The following RAB3GAP2 variants were observed in gnomAD, a reference collection of about 807,000 sequenced individuals.
The protein encoded by RAB3GAP2 is RAB3 GTPase activating non-catalytic protein subunit 2.
RAB3GAP2 carries 87 observed loss-of-function variants against 185.3 expected under a neutral mutation model. That is an observed-to-expected ratio of 0.47 (90% CI 0.39 to 0.56). The LOEUF is 0.56. Ranked by LOEUF, RAB3GAP2 falls within the 20% of genes least tolerant of loss-of-function variation. RAB3GAP2 has a pLI of 0.00. For missense variants in RAB3GAP2, 1,492 were observed against 1,638.2 expected, an observed-to-expected ratio of 0.91 and a Z score of 1.54; for synonymous variants, 554 against 576.1, an observed-to-expected ratio of 0.96 and a Z score of 0.55.
chr1:220,183,250 ATTTT>A (rs200955039), intron 19 of RAB3GAP2, among the ~76,000 whole-genome samples: 3 of 140,370 alleles, frequency 2.1e-5, no homozygotes, highest in Non-Finnish European at 4.7e-5. Flanking sequence ...GAATGTTAGC[ATTTT>A]TTTTTTTTTT....
intron 7 of RAB3GAP2, among the ~76,000 whole-genome samples, 193 bp downstream of exon 7, chr1:220,210,195 A>C (rs1659052542): frequency 6.6e-6 from 1 of 152,208 alleles, no homozygotes; most frequent in Admixed American, 6.5e-5. Context: ...ATAATATTTC[A>C]TTAAATAAGT....
chr1:220,268,996 T>C (rs1257088146), intron 1 of RAB3GAP2, among the ~76,000 whole-genome samples: 1 of 152,206 alleles, frequency 6.6e-6, no homozygotes, highest in African/African-American at 2.4e-5. Context: ...ACAGGCTCAA[T>C]AACCACATGT....
intron 8 of RAB3GAP2, among the ~76,000 whole-genome samples, chr1:220,203,506 A>AG (rs1658902520): frequency 6.6e-6 from 1 of 152,342 alleles, no homozygotes; most frequent in South Asian, 2.1e-4. Flanking sequence ...TTACAACCCA[A>AG]GGGCACTAAG....
At chr1:220,231,219 C>T (rs1164658814) in intron 2 of RAB3GAP2, among the ~76,000 whole-genome samples, 1 of 152,196 alleles carries the variant, frequency 6.6e-6, no homozygotes, top group Non-Finnish European at 1.5e-5. Context: ...TCACACTGGC[C>T]TTCTTTATGT....
At chr1:220,268,457 A>G (rs1413747348) in intron 1 of RAB3GAP2, among the ~76,000 whole-genome samples, 2 of 152,224 alleles carry the variant, frequency 1.3e-5, no homozygotes, top group Non-Finnish European at 2.9e-5. Flanking sequence ...GCTGCTACCC[A>G]CCATCACAAA....
rs762909562 is a variant in RAB3GAP2 at position 220,191,017 on chromosome 1, A to G, written c.1487+51T>C. 47 of 1,448,532 alleles carry G rather than the reference A, an allele frequency of 3.2e-5. No homozygotes were observed. In the South Asian group the frequency reaches 5.3e-4, roughly 16 times the overall value. The allele number at this position is 1,448,532 out of a possible 1,614,324, so 89.7% of individuals were successfully genotyped here. On this transcript the variant is annotated intron_variant, in intron 14 of 34. Transcript: ENST00000358951. ...AGTAAAGCTTTATTTTAATAAAAGC[A>G]TTCCTATATTTCATTTTGTAACCAG...
At chr1:220,251,666 CATAG>C (rs1659932871) in intron 1 of RAB3GAP2, among the ~76,000 whole-genome samples, 1 of 151,686 alleles carries the variant, frequency 6.6e-6, no homozygotes, top group African/African-American at 2.4e-5. Flanking sequence ...CACTGATTAT[CATAG>C]ATAGGACTGA....
intron 2 of RAB3GAP2, among the ~76,000 whole-genome samples, chr1:220,230,818 A>T (rs923291031): frequency 2.0e-5 from 3 of 152,142 alleles, no homozygotes; most frequent in Non-Finnish European, 4.4e-5. Context: ...TGTTTTATCT[A>T]TTTCACACCA....
At chr1:220,152,692 C>T (rs1430009977) in intron 33 of RAB3GAP2, among the ~76,000 whole-genome samples, 1 of 152,034 alleles carries the variant, frequency 6.6e-6, no homozygotes, top group African/African-American at 2.4e-5. Context: ...TTCATATGAT[C>T]CTGTTTCTTT....
chr1:220,191,344 G>C (rs530414063), intron 13 of RAB3GAP2, 60 bp from the exon 14 acceptor site: 54 of 514,322 alleles, frequency 1.0e-4, no homozygotes, highest in Non-Finnish European at 1.6e-4. Context: ...GTAGCCTCCT[G>C]AAGTACTCTG....
chr1:220,196,803 G>A (rs1379824104), intron 9 of RAB3GAP2, among the ~76,000 whole-genome samples: 3 of 151,694 alleles, frequency 2.0e-5, no homozygotes, highest in African/African-American at 7.3e-5. Context: ...CTGCACTCCA[G>A]CCTGGGCAAC....
At chr1:220,185,251 A>C (rs75657214) in intron 18 of RAB3GAP2, among the ~76,000 whole-genome samples, 93 of 152,306 alleles carry the variant, frequency 6.1e-4, no homozygotes, top group African/African-American at 2.0e-3. Flanking sequence ...AGTACAGACA[A>C]ATTTTGAATA....
At chr1:220,174,569 C>T (rs886882112) in intron 21 of RAB3GAP2, among the ~76,000 whole-genome samples, 1 of 152,156 alleles carries the variant, frequency 6.6e-6, no homozygotes, top group Admixed American at 6.5e-5. Context: ...TTTTAAGATG[C>T]ACAGTTATTA....
Position 220,202,299 on chromosome 1 carries a change from G to C in RAB3GAP2, c.788C>G (p.Thr263Ser). Residue 263 changes from threonine (T) to serine (S), a missense_variant, in exon 9 of 35, where the codon ACT (threonine) becomes AGT (serine). Thr to Ser is a moderately conservative substitution (Grantham distance 58). This residue lies in a region of RAB3GAP2 where 243 missense variants were observed against 314.8 expected (regional missense o/e 0.77). Coordinates refer to ENST00000358951, the MANE Select transcript of RAB3GAP2 (RefSeq NM_012414.4). ...YKKWGLQDID[T>S]IIDHASVGIM... ...ACCAACACTAGCATGATCAATAATA[G>C]TGTCAATATCTTGTAGACCCCATTT... is the stretch of plus-strand genomic sequence containing the variant. 2 of 1,613,860 alleles carry C rather than the reference G, an allele frequency of 1.2e-6. No homozygotes were observed. The highest frequency in any genetic ancestry group is 1.7e-6 in the Non-Finnish European group (2 of 1,179,908).
intron 26 of RAB3GAP2, among the ~76,000 whole-genome samples, chr1:220,165,729 C>T (rs986536957): frequency 7.9e-5 from 12 of 152,160 alleles, no homozygotes; most frequent in Non-Finnish European, 2.9e-5. Flanking sequence ...AAATGTTAGG[C>T]ACTATGCATT....
At chr1:220,168,595 C>T (rs894359337) in intron 24 of RAB3GAP2, among the ~76,000 whole-genome samples, 4 of 151,690 alleles carry the variant, frequency 2.6e-5, no homozygotes, top group African/African-American at 7.3e-5. Flanking sequence ...CAGGGTTTCA[C>T]CATGTTAGTC....
At chr1:220,237,060 C>T (rs1330907970) in intron 1 of RAB3GAP2, among the ~76,000 whole-genome samples, 1 of 152,112 alleles carries the variant, frequency 6.6e-6, no homozygotes, top group Non-Finnish European at 1.5e-5. Flanking sequence ...AGATCAATAT[C>T]TTTTATAAGA....
Position 220,172,750 on chromosome 1 carries a change from C to A in RAB3GAP2, c.2311-8G>T. 6.3e-7 allele frequency: 1 copy of A among 1,583,758 alleles called. No individual in the cohort carries two copies. The highest frequency in any genetic ancestry group is 8.7e-7 in the Non-Finnish European group (1 of 1,152,542). On this transcript the variant is annotated splice_region_variant and splice_polypyrimidine_tract_variant and intron_variant, in intron 21 of 34. Transcript: ENST00000358951. ...AACACTCAGGAGCAGAGACTGAAAT[C>A]AAATTTAAATCTTTTTCAGTCTAAA... is the stretch of plus-strand genomic sequence containing the variant.
intron 1 of RAB3GAP2, chr1:220,254,352 A>C: frequency 6.2e-7 from 1 of 1,613,472 alleles, no homozygotes; most frequent in Non-Finnish European, 8.5e-7. Context: ...ATGGAGCGCC[A>C]CATCTCCTGA....
Sources: allele counts gnomAD v4.1 joint callset (sites outside exome capture counted in the v4.1 genomes callset), GRCh38; gene constraint gnomAD v4.1.1; regional missense constraint gnomAD v4.1.1; transcripts MANE v1.5; gene names NCBI Gene and HGNC (gene_info 2026-07-23, HGNC 2026-07-21).